TECRL: variants seen among roughly 807,000 people sequenced by gnomAD.
The protein encoded by TECRL is trans-2,3-enoyl-CoA reductase like, also known as trans-2,3-enoyl-CoA reductase-like.
A neutral mutation model predicts 52.8 loss-of-function variants in TECRL; 63 were observed. That is an observed-to-expected ratio of 1.19 (90% CI 0.97 to 1.47). The LOEUF (loss-of-function observed/expected upper bound fraction) is 1.47. Among genes scored for constraint, TECRL ranks in the 40% most tolerant of loss-of-function variants. TECRL has a pLI of 0.00. For synonymous variants in TECRL, 164 were observed against 141.9 expected, an observed-to-expected ratio of 1.16 and a Z score of -1.10; for missense variants, 482 against 429.6, an observed-to-expected ratio of 1.12 and a Z score of -1.08.
At chr4:64,375,826 T>C (rs1722359954) in intron 1 of TECRL, among the ~76,000 whole-genome samples, 1 of 151,808 alleles carries the variant, frequency 6.6e-6, no homozygotes, top group South Asian at 2.1e-4. Flanking sequence ...CTCTATAAAT[T>C]AAAAAATGAA....
intron 3 of TECRL, among the ~76,000 whole-genome samples, chr4:64,326,528 A>G (rs145776622): frequency 6.4e-4 from 98 of 152,258 alleles, no homozygotes; most frequent in African/African-American, 2.2e-3. Context: ...CTGGGCTTCA[A>G]CAATTCTTTA....
intron 9 of TECRL, among the ~76,000 whole-genome samples, chr4:64,282,013 G>A (rs1577792483): frequency 2.0e-5 from 3 of 151,924 alleles, no homozygotes; most frequent in African/African-American, 7.2e-5. Flanking sequence ...ATTGGTGAAA[G>A]TCATAAGGAA....
At chr4:64,391,787 A>G (rs1049802044) in intron 1 of TECRL, among the ~76,000 whole-genome samples, 1 of 151,908 alleles carries the variant, frequency 6.6e-6, no homozygotes, top group African/African-American at 2.4e-5. Context: ...TCCCATTTTT[A>G]AATGAACTAT....
rs1339414944 is a variant in TECRL at position 64,280,005 on chromosome 4, T to C, written c.*67A>G. On this transcript the variant is annotated 3_prime_UTR_variant, in exon 12 of 12. Transcript: ENST00000381210. ...ATTGTTGGAGTATAATAGTTAACTA[T>C]CCTTAACTAAGTCTTATTTATTGAA... The C allele has an allele frequency of 2.7e-5, 41 of 1,513,618 alleles. No homozygotes were observed. The highest frequency in any genetic ancestry group is 4.8e-5 in the East Asian group (2 of 41,824). 93.8% of individuals were successfully genotyped at this position (1,513,618 alleles called of 1,614,324 possible).
chr4:64,384,156 G>T (rs1180020890), intron 1 of TECRL, among the ~76,000 whole-genome samples: 1 of 151,986 alleles, frequency 6.6e-6, no homozygotes, highest in Non-Finnish European at 1.5e-5. Flanking sequence ...GTGCCCAGGT[G>T]GTGTATGCAG....
At chr4:64,389,523 T>A (rs1342795334) in intron 1 of TECRL, among the ~76,000 whole-genome samples, 1 of 151,974 alleles carries the variant, frequency 6.6e-6, no homozygotes, top group Non-Finnish European at 1.5e-5. Flanking sequence ...TATGCTAATA[T>A]GTTGTTGAGA....
intron 1 of TECRL, among the ~76,000 whole-genome samples, chr4:64,406,391 G>C (rs975060650): frequency 6.6e-6 from 1 of 151,616 alleles, no homozygotes; most frequent in Non-Finnish European, 1.5e-5. Flanking sequence ...TCTATCCTAA[G>C]CATTATAACA....
intron 8 of TECRL, among the ~76,000 whole-genome samples, chr4:64,298,692 A>T (rs1260934281): frequency 6.6e-6 from 1 of 151,270 alleles, no homozygotes; most frequent in Non-Finnish European, 1.5e-5. Flanking sequence ...GAAAAAAATT[A>T]TAACCCACAA....
chr4:64,327,851 A>G (rs1159145478), intron 3 of TECRL, among the ~76,000 whole-genome samples: 1 of 151,994 alleles, frequency 6.6e-6, no homozygotes, highest in Non-Finnish European at 1.5e-5. Flanking sequence ...TGGGAGATTG[A>G]AATTCCTTAA....
chr4:64,302,006 C>G (rs1724050701), intron 7 of TECRL, among the ~76,000 whole-genome samples: 1 of 150,772 alleles, frequency 6.6e-6, no homozygotes, highest in African/African-American at 2.4e-5. Flanking sequence ...TAAAAATAAC[C>G]TAATAGGCCA....
At chr4:64,322,946 C>A (rs1242241251) in intron 3 of TECRL, among the ~76,000 whole-genome samples, 154 bp from the exon 4 acceptor site, 2 of 152,066 alleles carry the variant, frequency 1.3e-5, no homozygotes, top group African/African-American at 2.4e-5. Flanking sequence ...AAAATGTGAA[C>A]AATGCCATTT....
rs1471975653 is a variant in TECRL, at chr4:64,277,877, C to T, written c.*2195G>A. ...TCTCTTTGTGAAGTATATATGCATG[C>T]TCACATAGAAACTCATACACACACA... On this transcript the variant is annotated 3_prime_UTR_variant, in exon 12 of 12. Coordinates refer to ENST00000381210, the MANE Select transcript of TECRL (RefSeq NM_001010874.5). The T allele has an allele frequency of 6.6e-6, 1 of 151,540 alleles. No homozygotes were observed. Among genetic ancestry groups the T allele is most frequent in the Non-Finnish European group, 1.5e-5 (1 of 67,716 alleles). 9.4% of individuals were successfully genotyped at this position (151,540 alleles called of 1,614,324 possible).
intron 2 of TECRL, among the ~76,000 whole-genome samples, chr4:64,373,030 A>C (rs536718483): frequency 7.9e-5 from 12 of 151,848 alleles, no homozygotes; most frequent in African/African-American, 2.9e-4. Flanking sequence ...CAGATTTTTC[A>C]GGATTAGCAA....
rs571618120 is a variant in TECRL at position 64,318,793 on chromosome 4, C to G, written c.435+3896G>C. ...AAGAATGGAGATAATTCATCAATGA[C>G]AGAACTACAATAAAACACTAAAGAT... On this transcript the variant is annotated intron_variant, in intron 4 of 11. Coordinates refer to ENST00000381210, the MANE Select transcript of TECRL (RefSeq NM_001010874.5). Among the ~76,000 whole-genome samples, 7 of 151,932 alleles carry G rather than the reference C, an allele frequency of 4.6e-5. No individual in the cohort carries two copies. In the East Asian group the frequency reaches 1.4e-3, roughly 29 times the overall value.
In TECRL at chr4:64,336,558, T is replaced by C. The variant is rs536889764; in HGVS notation, c.287-8002A>G. On this transcript the variant is annotated intron_variant, in intron 2 of 11. Transcript: ENST00000381210. ...TTCTTGCCTTCTGCTAGCTTTTGAA[T>C]GTGTTTGCTCTTGCTTCTCTAGCTC... 1.6e-4 allele frequency among the ~76,000 whole-genome samples: 25 copies of C among 152,350 alleles called. No individual in the cohort carries two copies. The East Asian group carries it at 4.6e-3, about 28-fold the overall frequency.
At chr4:64,350,613 G>T (rs1003809165) in intron 2 of TECRL, among the ~76,000 whole-genome samples, 1 of 152,080 alleles carries the variant, frequency 6.6e-6, no homozygotes, top group African/African-American at 2.4e-5. Flanking sequence ...AAAGCAGATT[G>T]CCATTTGGAA....
intron 2 of TECRL, among the ~76,000 whole-genome samples, chr4:64,335,678 A>G (rs1719022945): frequency 6.6e-6 from 1 of 152,088 alleles, no homozygotes; most frequent in South Asian, 2.1e-4. Flanking sequence ...AGAGTCCTTC[A>G]TTGTCCTGCT....
intron 9 of TECRL, among the ~76,000 whole-genome samples, chr4:64,282,118 C>T (rs750980213): frequency 2.0e-5 from 3 of 151,896 alleles, no homozygotes; most frequent in African/African-American, 4.8e-5. Flanking sequence ...TGAGATACCA[C>T]GTTTCTGTTC....
intron 2 of TECRL, among the ~76,000 whole-genome samples, chr4:64,343,085 TA>T (rs5858879): frequency 6.6e-6 from 1 of 151,970 alleles, no homozygotes; most frequent in South Asian, 2.1e-4. Context: ...TCGCCTTCTT[TA>T]AAAAAGGGGG....
Sources: allele counts gnomAD v4.1 joint callset (sites outside exome capture counted in the v4.1 genomes callset), GRCh38; gene constraint gnomAD v4.1.1; transcripts MANE v1.5; gene names NCBI Gene and HGNC (gene_info 2026-07-23, HGNC 2026-07-21).